Variants in PCDH10 observed in about 807,000 individuals in gnomAD.
The protein encoded by PCDH10 is protocadherin-10.
PCDH10 carries 15 observed loss-of-function variants against 74.4 expected under a neutral mutation model. The observed-to-expected ratio is 0.20, with a 90% confidence interval of 0.13 to 0.31. PCDH10 has a LOEUF of 0.31. PCDH10 is among the 10% of genes least tolerant of loss of function. The pLI is 1.00. For synonymous variants in PCDH10, 619 were observed against 589.8 expected, an observed-to-expected ratio of 1.05 and a Z score of -0.72; for missense variants, 1,260 against 1,390.2, an observed-to-expected ratio of 0.91 and a Z score of 1.49.
downstream of PCDH10, among the ~76,000 whole-genome samples, chr4:133,195,834 T>C (rs960697689): frequency 1.8e-4 from 28 of 152,096 alleles, no homozygotes; most frequent in Non-Finnish European, 3.2e-4. Context: ...CAGATATATA[T>C]ACATATATAA....
At chr4:133,159,457 G>A (rs2125861808) in intron 3 of PCDH10, among the ~76,000 whole-genome samples, 1 of 152,142 alleles carries the variant, frequency 6.6e-6, no homozygotes, top group African/African-American at 2.4e-5. Context: ...CAAGTAAAAG[G>A]TATATGTTGA....
intron 4 of PCDH10, among the ~76,000 whole-genome samples, chr4:133,176,869 A>C (rs576068572): frequency 6.6e-6 from 1 of 152,278 alleles, no homozygotes; most frequent in Admixed American, 6.5e-5. Flanking sequence ...TGAAAATCGT[A>C]TGAAGAATAC....
intron 2 of PCDH10, among the ~76,000 whole-genome samples, chr4:133,206,096 G>A (rs1418025009): frequency 6.6e-6 from 1 of 152,050 alleles, no homozygotes; most frequent in Non-Finnish European, 1.5e-5. Context: ...TTTAATTGGG[G>A]AACTCCTGGT....
At chr4:133,187,572 A>T (rs901830633) in intron 4 of PCDH10, among the ~76,000 whole-genome samples, 1 of 152,088 alleles carries the variant, frequency 6.6e-6, no homozygotes, top group Non-Finnish European at 1.5e-5. Context: ...TATTTGTCCT[A>T]TCCAAATCTG....
At chr4:133,183,677 G>A (rs542590004) in intron 4 of PCDH10, among the ~76,000 whole-genome samples, 30 of 152,264 alleles carry the variant, frequency 2.0e-4, no homozygotes, top group Admixed American at 1.7e-3. Flanking sequence ...CCCAGATAAT[G>A]AAGTAAATTT....
intron 4 of PCDH10, among the ~76,000 whole-genome samples, chr4:133,186,553 C>A (rs1466609595): frequency 6.6e-6 from 1 of 152,030 alleles, no homozygotes; most frequent in Non-Finnish European, 1.5e-5. Flanking sequence ...TCTGTCAAAC[C>A]TAAAATGCAT....
At position 133,151,297 on chromosome 4, in the gene PCDH10, A is replaced by G; in HGVS notation, c.1157A>G (p.Asp386Gly). 6.2e-7 allele frequency: 1 copy of G among 1,614,084 alleles called. No homozygotes were observed. The highest frequency in any genetic ancestry group is 8.5e-7 in the Non-Finnish European group (1 of 1,180,014). Residue 386 changes from aspartate to glycine, a missense_variant, in exon 1 of 5, where the codon GAC becomes GGC. By Grantham distance (94) the Asp-to-Gly change is moderately conservative. Transcript: ENST00000264360. ...VVALFSVTDR[D>G]SEENGQVQCE... ...GCCCTTTTCAGCGTGACTGACCGCG[A>G]CTCAGAGGAGAATGGGCAGGTGCAG...
chr4:133,190,079 G>GTAAT, intron 4 of PCDH10, 62 bp from the exon 5 acceptor site: 2 of 1,329,264 alleles, frequency 1.5e-6, no homozygotes, highest in Non-Finnish European at 2.2e-6. Context: ...ACAATAATGT[G>GTAAT]TAATTCTAAA....
rs751506675 is a variant in PCDH10, at chr4:133,152,255, T to C, written c.2115T>C (p.Ser705=). 1 of 1,612,570 alleles carries C rather than the reference T, an allele frequency of 6.2e-7. No individual in the cohort carries two copies. The highest frequency in any genetic ancestry group is 1.7e-5 in the Admixed American group (1 of 59,946). The change falls in exon 1 of 5, where the codon TCT becomes TCC. Residue 705 remains serine (S), a synonymous_variant. Transcript: ENST00000264360. ...GSGEHQRPSR[S]GGGETSLDLT... ...GAGAGCACCAGCGCCCCAGTCGCTC[T>C]GGCGGCGGGGAAACCTCGCTAGACC...
chr4:133,155,466 T>A (rs535864353), intron 3 of PCDH10, among the ~76,000 whole-genome samples: 22 of 152,344 alleles, frequency 1.4e-4, no homozygotes, highest in African/African-American at 4.6e-4. Flanking sequence ...GAATCCACAT[T>A]TCTTGTTTTC....
rs769078035 is a variant in PCDH10, at chr4:133,150,427, A to G, written c.287A>G (p.Glu96Gly). Residue 96 changes from glutamate to glycine, a missense_variant, in exon 1 of 5, where the codon GAG becomes GGG. Physicochemically the swap from Glu to Gly is moderately conservative, Grantham distance 98. This residue lies in a region of PCDH10 where 63 missense variants were observed against 100.7 expected (regional missense o/e 0.63). Transcript: ENST00000264360. ...KQSPSCVLHL[E>G]VFLENPLELF... is the part of the protein sequence containing the mutation. ...AGCCCCTCCTGTGTCCTGCACCTGGAGGTCTTTCTGGAGAACCCCCTGGAG... is the reference window on the plus strand; with the variant it reads ...AGCCCCTCCTGTGTCCTGCACCTGGGGGTCTTTCTGGAGAACCCCCTGGAG... 38 of 1,613,816 alleles carry G rather than the reference A, an allele frequency of 2.4e-5. No individual in the cohort carries two copies. Among genetic ancestry groups the G allele is most frequent in the Non-Finnish European group, 8.5e-7 (1 of 1,179,994 alleles).
chr4:133,190,031 T>C, intron 4 of PCDH10, 110 bp from the exon 5 acceptor site: 1 of 866,160 alleles, frequency 1.2e-6, no homozygotes, highest in East Asian at 2.5e-5. Flanking sequence ...GTGTTTGGTA[T>C]GAGGGTACAA....
In PCDH10 at chr4:133,151,332, C is replaced by A. The variant is rs1249531138; in HGVS notation, c.1192C>A (p.Leu398Met). 1 of 1,614,172 alleles carries A rather than the reference C, an allele frequency of 6.2e-7. No homozygotes were observed. The highest frequency in any genetic ancestry group is 1.1e-5 in the South Asian group (1 of 91,092). Residue 398 changes from leucine (L) to methionine (M), a missense_variant, in exon 1 of 5, where the codon CTG becomes ATG. Physicochemically the swap from Leu to Met is conservative, Grantham distance 15 (BLOSUM62 2). Coordinates refer to ENST00000264360, the MANE Select transcript of PCDH10 (RefSeq NM_032961.3). ...EENGQVQCEL[L>M]GDVPFRLKSS... ...GAATGGGCAGGTGCAGTGCGAGCTA[C>A]TGGGAGACGTGCCTTTCCGCCTCAA...
downstream of PCDH10, among the ~76,000 whole-genome samples, chr4:133,194,922 T>C (rs923251741): frequency 4.0e-5 from 6 of 151,752 alleles, no homozygotes; most frequent in Non-Finnish European, 7.4e-5. Context: ...ACTTTTTAAC[T>C]TTTTTTTGAT....
chr4:133,152,562 G>A lies in PCDH10; in HGVS notation c.2422G>A (p.Gly808Arg), dbSNP rs752009901. 1.9e-6 allele frequency: 3 copies of A among 1,613,932 alleles called. No individual in the cohort carries two copies. The highest frequency in any genetic ancestry group is 2.5e-6 in the Non-Finnish European group (3 of 1,180,016). The change falls in exon 1 of 5, where the codon GGG (glycine) becomes AGG (arginine). Residue 808 changes from glycine to arginine, a missense_variant. Gly to Arg is a moderately radical substitution (Grantham distance 125). Transcript: ENST00000264360. ...NPAQVPIEES[G>R]GFGSHHHNQN... ...GGCCCAGGTGCCGATAGAGGAGTCC[G>A]GGGGCTTTGGCTCCCACCACCACAA...
rs556424114 is a variant in PCDH10, at chr4:133,193,003, G to A, written c.*2843G>A. ...TATCCATCGTATTAGACAGTATTTC[G>A]TCAATAAATTATTTCAGAAAAAAAA... On this transcript the variant is annotated 3_prime_UTR_variant, in exon 5 of 5. Coordinates refer to ENST00000264360, the MANE Select transcript of PCDH10 (RefSeq NM_032961.3). 4 of 136,876 alleles carry A rather than the reference G, an allele frequency of 2.9e-5. No homozygotes were observed. Among genetic ancestry groups the A allele is most frequent in the Middle Eastern group, 3.6e-3 (1 of 278 alleles). 8.5% of individuals were successfully genotyped at this position (136,876 alleles called of 1,614,324 possible). A position where few individuals can be genotyped will look rare whatever the true frequency, so the allele number is the denominator to read the frequency against.
At chr4:133,162,138 A>T (rs1261299539) in intron 3 of PCDH10, among the ~76,000 whole-genome samples, 1 of 152,190 alleles carries the variant, frequency 6.6e-6, no homozygotes, top group Non-Finnish European at 1.5e-5. Flanking sequence ...TTAGTAAGCA[A>T]ACAACTCTTT....
Position 133,193,167 on chromosome 4 carries a change from G to C in PCDH10, c.*3007G>C, listed in dbSNP as rs1413192893. On this transcript the variant is annotated 3_prime_UTR_variant, in exon 5 of 5. Transcript: ENST00000264360. Reference sequence around the variant, plus strand: ...TTAGAAAATATTTCATCCACATGTAGAATTCTAATTTTTAACGTGTGAACA... The same window carrying C: ...TTAGAAAATATTTCATCCACATGTACAATTCTAATTTTTAACGTGTGAACA... The C allele has an allele frequency of 6.6e-6, 1 of 151,570 alleles. No homozygotes were observed. Among genetic ancestry groups the C allele is most frequent in the African/African-American group, 2.4e-5 (1 of 41,380 alleles). 9.4% of individuals were successfully genotyped at this position (151,570 alleles called of 1,614,324 possible).
Position 133,151,227 on chromosome 4 carries a change from G to C in PCDH10, c.1087G>C (p.Val363Leu). 1 of 1,613,920 alleles carries C rather than the reference G, an allele frequency of 6.2e-7. No individual in the cohort carries two copies. Among genetic ancestry groups the C allele is most frequent in the Non-Finnish European group, 8.5e-7 (1 of 1,179,982 alleles). Residue 363 changes from valine to leucine, a missense_variant, in exon 1 of 5, where the codon GTG becomes CTG. Physicochemically the swap from Val to Leu is conservative, Grantham distance 32. Around this residue, in one of 11 missense-constraint regions of PCDH10, gnomAD observed 112 missense variants for 123.6 expected, o/e 0.91. Transcript: ENST00000264360. ...DNAPEISFST[V>L]KEAVSEGAAP... Reference sequence around the variant, plus strand: ...CGCGCCAGAGATCAGCTTCAGCACCGTGAAGGAAGCGGTGAGTGAGGGCGC... The same window carrying C: ...CGCGCCAGAGATCAGCTTCAGCACCCTGAAGGAAGCGGTGAGTGAGGGCGC...
Sources: allele counts gnomAD v4.1 joint callset (sites outside exome capture counted in the v4.1 genomes callset), GRCh38; gene constraint gnomAD v4.1.1; regional missense constraint gnomAD v4.1.1; transcripts MANE v1.5; gene names NCBI Gene and HGNC (gene_info 2026-07-23, HGNC 2026-07-21).